The following AGAP1 variants were observed in gnomAD, a reference collection of about 807,000 sequenced individuals.
The protein encoded by AGAP1 is ArfGAP with GTPase domain, ankyrin repeat and PH domain 1, also known as arf-GAP with GTPase, ANK repeat and PH domain-containing protein 1.
A neutral mutation model predicts 105.3 loss-of-function variants in AGAP1; 29 were observed. That is an observed-to-expected ratio of 0.28 (90% CI 0.21 to 0.38). The LOEUF is 0.38. Ranked by LOEUF, AGAP1 falls within the 10% of genes least tolerant of loss-of-function variation. The pLI, the probability that AGAP1 is intolerant of heterozygous loss-of-function variation, is 1.00. For missense variants in AGAP1, 998 were observed against 1,165.1 expected, an observed-to-expected ratio of 0.86 and a Z score of 2.09; for synonymous variants, 509 against 485.9, an observed-to-expected ratio of 1.05 and a Z score of -0.63.
At chr2:235,911,960 T>C (rs573178903) in intron 11 of AGAP1, among the ~76,000 whole-genome samples, 1 of 152,304 alleles carries the variant, frequency 6.6e-6, no homozygotes, top group South Asian at 2.1e-4. Flanking sequence ...GCCACAGCAG[T>C]GCTAAGGGAA....
chr2:235,829,278 C>G (rs1575571495), intron 9 of AGAP1, among the ~76,000 whole-genome samples: 1 of 152,174 alleles, frequency 6.6e-6, no homozygotes, highest in South Asian at 2.1e-4. Flanking sequence ...CCACTGTGGC[C>G]GTTGTCAGAA....
chr2:235,713,299 C>T (rs1950942301), intron 2 of AGAP1, among the ~76,000 whole-genome samples: 1 of 152,188 alleles, frequency 6.6e-6, no homozygotes, highest in Non-Finnish European at 1.5e-5. Flanking sequence ...GGTAGAAATT[C>T]TCCGATTATA....
chr2:235,890,299 A>G (rs542982929), intron 10 of AGAP1, among the ~76,000 whole-genome samples: 7 of 151,782 alleles, frequency 4.6e-5, no homozygotes, highest in Non-Finnish European at 8.8e-5. Flanking sequence ...GATTACAGGC[A>G]TGCACCACCA....
chr2:235,930,919 C>G lies in AGAP1; in HGVS notation c.1479C>G (p.Ser493Arg), dbSNP rs1370878338. Residue 493 changes from serine to arginine, a missense_variant, in exon 12 of 18, where the codon AGC (serine) becomes AGG (arginine). Physicochemically the swap from Ser to Arg is moderately radical, Grantham distance 110. Transcript: ENST00000304032. The surrounding 1 kb of genome is among the most constrained non-coding windows in gnomAD (Gnocchi z 7.9). ...CGGTCATTGCAAACTCGGCCATCAG[C>G]AGTGGTAAGAGGGGGCTCAGCCCCA... ...EATVIANSAI[S>R]SDTGLGDSVC... 1 of 1,613,586 alleles carries G rather than the reference C, an allele frequency of 6.2e-7. No homozygotes were observed. Among genetic ancestry groups the G allele is most frequent in the Non-Finnish European group, 8.5e-7 (1 of 1,179,730 alleles).
At chr2:235,512,816 C>T (rs1333247441) in intron 1 of AGAP1, among the ~76,000 whole-genome samples, 3 of 152,138 alleles carry the variant, frequency 2.0e-5, no homozygotes, top group Non-Finnish European at 4.4e-5. Flanking sequence ...GAGAATCTGC[C>T]CTTTGCCTTC....
rs976625970 is a variant in AGAP1 at position 236,130,742 on chromosome 2, T to G, written c.*6620T>G. On this transcript the variant is annotated 3_prime_UTR_variant, in exon 18 of 18. Coordinates refer to ENST00000304032, the MANE Select transcript of AGAP1 (RefSeq NM_001037131.3). This position sits in a 1 kb window ranked among gnomAD's most constrained non-coding sequence, Gnocchi z 5.8. Reference sequence around the variant, plus strand: ...CCTGCCCAATACCACAGCCCTGGGGTGTCCCCTGACATTCCTGGAGGTCCC... The same window carrying G: ...CCTGCCCAATACCACAGCCCTGGGGGGTCCCCTGACATTCCTGGAGGTCCC... 1 of 152,532 alleles carries G rather than the reference T, an allele frequency of 6.6e-6. No individual in the cohort carries two copies. The highest frequency in any genetic ancestry group is 2.4e-5 in the African/African-American group (1 of 41,428). 9.4% of individuals were successfully genotyped at this position (152,532 alleles called of 1,614,324 possible). A position where few individuals can be genotyped will look rare whatever the true frequency, so the allele number is the denominator to read the frequency against.
intron 1 of AGAP1, among the ~76,000 whole-genome samples, chr2:235,534,069 G>C (rs1339655766): frequency 6.6e-6 from 1 of 152,228 alleles, no homozygotes; most frequent in Admixed American, 6.5e-5. Flanking sequence ...CGCTGTCGAT[G>C]CTACAGCAGT....
rs988795132 is a variant in AGAP1 at position 235,549,577 on chromosome 2, T to C, written c.163+54728T>C. On this transcript the variant is annotated intron_variant, in intron 1 of 17. Coordinates refer to ENST00000304032, the MANE Select transcript of AGAP1 (RefSeq NM_001037131.3). This position sits in a 1 kb window ranked among gnomAD's most constrained non-coding sequence, Gnocchi z 4.2. ...ATTGCTCCTCCGTCTTCCGCGTGCC[T>C]GTGGGCAGCTTTTGTTCCTTTGGAT... 6.6e-6 allele frequency among the ~76,000 whole-genome samples: 1 copy of C among 152,230 alleles called. No individual in the cohort carries two copies. Among genetic ancestry groups the C allele is most frequent in the African/African-American group, 2.4e-5 (1 of 41,454 alleles).
At position 235,965,271 on chromosome 2, in the gene AGAP1, A is replaced by G. The variant is rs778899906; in HGVS notation, c.1484-3191A>G. ...AGGGTCAGGTAGAGCCAAGCCTGGA[A>G]CTGGTGTTGGTGTCATGCACATGGA... On this transcript the variant is annotated intron_variant, in intron 12 of 17. Coordinates refer to ENST00000304032, the MANE Select transcript of AGAP1 (RefSeq NM_001037131.3). This position sits in a 1 kb window ranked among gnomAD's most constrained non-coding sequence, Gnocchi z 5.8. 1.3e-5 allele frequency among the ~76,000 whole-genome samples: 2 copies of G among 152,306 alleles called. No homozygotes were observed. Among genetic ancestry groups the G allele is most frequent in the Admixed American group, 6.5e-5 (1 of 15,298 alleles).
At chr2:236,057,204 G>A (rs1029176657) in intron 16 of AGAP1, among the ~76,000 whole-genome samples, 1 of 152,108 alleles carries the variant, frequency 6.6e-6, no homozygotes, top group Non-Finnish European at 1.5e-5. Context: ...TGTCTCCTAG[G>A]TTCAAGTGAT....
chr2:235,735,978 G>T, intron 3 of AGAP1, among the ~76,000 whole-genome samples: 1 of 149,408 alleles, frequency 6.7e-6, no homozygotes, highest in East Asian at 2.0e-4. Flanking sequence ...GAAGGGATGC[G>T]GGTTCCGTTC....
intron 1 of AGAP1, among the ~76,000 whole-genome samples, chr2:235,651,295 A>G (rs566852470): frequency 3.3e-5 from 5 of 151,894 alleles, no homozygotes; most frequent in East Asian, 3.9e-4. Flanking sequence ...GGATGATGAT[A>G]AACAGGAAGT....
chr2:235,527,732 G>A (rs1478193697), intron 1 of AGAP1, among the ~76,000 whole-genome samples: 3 of 152,040 alleles, frequency 2.0e-5, no homozygotes, highest in East Asian at 1.9e-4. Flanking sequence ...GATTATTCAC[G>A]GTAGAAACAG....
rs200196924 is a variant in AGAP1, at chr2:235,908,702, T to C, written c.1156-36T>C. On this transcript the variant is annotated intron_variant, in intron 10 of 17. Coordinates refer to ENST00000304032, the MANE Select transcript of AGAP1 (RefSeq NM_001037131.3). The surrounding 1 kb of genome is among the most constrained non-coding windows in gnomAD (Gnocchi z 4.4). ...TAGGTTGTAAAAGGTCTTTTTTTTTTTTTTATCTCTCTTGGATGTTTAACA... is the reference window on the plus strand; with the variant it reads ...TAGGTTGTAAAAGGTCTTTTTTTTTCTTTTATCTCTCTTGGATGTTTAACA... 1.0e-5 allele frequency: 16 copies of C among 1,541,452 alleles called. No homozygotes were observed. Among genetic ancestry groups the C allele is most frequent in the Non-Finnish European group, 1.4e-5 (16 of 1,144,758 alleles).
intron 1 of AGAP1, among the ~76,000 whole-genome samples, chr2:235,698,436 GA>G (rs1291931702): frequency 5.3e-5 from 8 of 150,598 alleles, no homozygotes; most frequent in Admixed American, 6.6e-5. Context: ...TACATCTCAT[GA>G]AAAAAAAATG....
In AGAP1 at chr2:235,965,097, G is replaced by T. The variant is rs1402375483; in HGVS notation, c.1484-3365G>T. ...TACAGTTAACCAAGGAGGTTTACCA[G>T]ATGTCCACCGTGGAAAGCAAGTGTT... On this transcript the variant is annotated intron_variant, in intron 12 of 17. Coordinates refer to ENST00000304032, the MANE Select transcript of AGAP1 (RefSeq NM_001037131.3). This position sits in a 1 kb window ranked among gnomAD's most constrained non-coding sequence, Gnocchi z 5.8. Among the ~76,000 whole-genome samples the T allele has an allele frequency of 6.6e-6, 1 of 152,256 alleles. No individual in the cohort carries two copies. Among genetic ancestry groups the T allele is most frequent in the Non-Finnish European group, 1.5e-5 (1 of 68,042 alleles).
At chr2:235,684,942 C>T (rs1327152702) in intron 1 of AGAP1, among the ~76,000 whole-genome samples, 2 of 152,134 alleles carry the variant, frequency 1.3e-5, no homozygotes, top group African/African-American at 4.8e-5. Context: ...TACAAGTCAC[C>T]ATGGCCATTG....
intron 16 of AGAP1, chr2:236,072,521 C>T (rs2058529913): frequency 1.3e-5 from 2 of 152,294 alleles, no homozygotes; most frequent in Admixed American, 6.5e-5. Context: ...TCACTGCAGC[C>T]TTAAACTCCT....
intron 12 of AGAP1, among the ~76,000 whole-genome samples, chr2:235,954,336 T>C (rs1190459080): frequency 6.6e-6 from 1 of 151,546 alleles, no homozygotes; most frequent in Non-Finnish European, 1.5e-5. Flanking sequence ...GGGTGCAGTG[T>C]CCAAGGGAGC....
Sources: gnomAD v4.1 joint callset for allele counts (sites outside exome capture counted in the v4.1 genomes callset) on GRCh38, gnomAD v4.1.1 for gene constraint, Gnocchi (gnomAD v3.1) non-coding constraint, MANE v1.5 for transcripts, NCBI Gene and HGNC (gene_info 2026-07-23, HGNC 2026-07-21) for gene names.